Variants in GLRA2 observed in about 807,000 individuals in gnomAD.
GLRA2 encodes the protein glycine receptor subunit alpha-2.
In GLRA2, 11 loss-of-function variants were observed where a neutral mutation model predicts 31.6. That is an observed-to-expected ratio of 0.35 (90% confidence interval 0.22 to 0.58). The LOEUF (loss-of-function observed/expected upper bound fraction) is 0.58, where lower values mean the gene tolerates loss of function less well. Ranked by LOEUF, GLRA2 falls within the 20% of genes least tolerant of loss-of-function variation. The probability of loss-of-function intolerance (pLI) is 0.84; values close to 1 mark genes in which losing one functional copy is unlikely to be tolerated. For synonymous variants in GLRA2, 132 were observed against 134.0 expected (o/e 0.99, Z 0.10); for missense variants, 212 against 351.8 (o/e 0.60, Z 3.18).
intron 4 of GLRA2, among the ~76,000 whole-genome samples, chrX:14,595,411 G>A (rs766164439): frequency 1.8e-5 from 2 of 111,790 alleles, no homozygotes; most frequent in African/African-American, 6.5e-5. Flanking sequence ...CTTTGATTAG[G>A]TGGAAAGTCT....
intron 2 of GLRA2, among the ~76,000 whole-genome samples, chrX:14,546,621 A>G (rs1249867234): frequency 2.7e-5 from 3 of 109,585 alleles, no homozygotes; most frequent in African/African-American, 1.0e-4. Context: ...TTCTGCCTAC[A>G]GTTGAAACTG....
chrX:14,644,582 G>A (rs2090809944), intron 7 of GLRA2, among the ~76,000 whole-genome samples: 1 of 111,816 alleles, frequency 8.9e-6, no homozygotes, highest in Non-Finnish European at 1.9e-5. Flanking sequence ...AAAAAGCCCA[G>A]GGTGTCAAAT....
At chrX:14,589,706 A>ATATATACACATATATATATG (rs1556016808) in intron 4 of GLRA2, among the ~76,000 whole-genome samples, 16 of 100,754 alleles carry the variant, frequency 1.6e-4, no homozygotes, top group East Asian at 5.9e-4. Context: ...TAGTGTATAT[A>ATATATACACATATATATATG]TATACACACA....
chrX:14,453,051 A>G, the GLRA2 span, among the ~76,000 whole-genome samples: 8 of 111,718 alleles, frequency 7.2e-5, no homozygotes, highest in Admixed American at 6.7e-4. Flanking sequence ...CCAATAAGTC[A>G]TCGTAGCAGG....
At position 14,730,513 on chromosome X, in the gene GLRA2, T is replaced by C. The variant is rs2091979679; in HGVS notation, c.*28T>C. On this transcript the variant is annotated 3_prime_UTR_variant, in exon 9 of 9. Coordinates refer to ENST00000218075, the MANE Select transcript of GLRA2 (RefSeq NM_002063.4). ...GTGCCCTACAGACCCTGGGACCTTC[T>C]TGCCTCAGTGTTGTGCTTGTAAATA... The C allele has an allele frequency of 7.1e-6, 8 of 1,122,359 alleles. No individual in the cohort carries two copies. Among genetic ancestry groups the C allele is most frequent in the Non-Finnish European group, 9.7e-6 (8 of 822,565 alleles). The allele number at this position is 1,122,359 out of a possible 1,213,427, so 92.5% of individuals were successfully genotyped here.
At chrX:14,633,689 G>T (rs1005374739) in intron 7 of GLRA2, among the ~76,000 whole-genome samples, 3 of 111,160 alleles carry the variant, frequency 2.7e-5, no homozygotes, top group African/African-American at 9.8e-5. Flanking sequence ...GTTCTGCGTG[G>T]CTGGGGAGGC....
chrX:14,684,607 G>C (rs922293806), intron 7 of GLRA2, among the ~76,000 whole-genome samples: 20 of 111,274 alleles, frequency 1.8e-4, no homozygotes, highest in Non-Finnish European at 3.4e-4. Flanking sequence ...CTCATGATTT[G>C]GCTCTGTTTG....
chrX:14,486,276 G>A, the GLRA2 span, among the ~76,000 whole-genome samples: 2 of 111,500 alleles, frequency 1.8e-5, no homozygotes, highest in Non-Finnish European at 3.8e-5. Context: ...AAGACTTAAA[G>A]GCAAAATAAA....
intron 7 of GLRA2, among the ~76,000 whole-genome samples, chrX:14,678,097 A>G (rs1219848560): frequency 9.0e-6 from 1 of 111,704 alleles, no homozygotes; most frequent in Non-Finnish European, 1.9e-5. Context: ...TGAAAAGTCA[A>G]CCTCATTTAG....
chrX:14,594,940 G>GAAAA (rs533954335), intron 4 of GLRA2, among the ~76,000 whole-genome samples: 1 of 77,475 alleles, frequency 1.3e-5, no homozygotes. Flanking sequence ...AGGTCAACAG[G>GAAAA]AAAAAAAAAA....
intron 8 of GLRA2, among the ~76,000 whole-genome samples, chrX:14,710,802 T>TA (rs1169816204): frequency 8.9e-6 from 1 of 111,878 alleles, no homozygotes; most frequent in East Asian, 2.8e-4. Context: ...TTTACCCTCT[T>TA]AGACTTCTTA....
chrX:14,614,435 C>A (rs2090433412), intron 7 of GLRA2, among the ~76,000 whole-genome samples: 1 of 111,357 alleles, frequency 9.0e-6, no homozygotes, highest in Middle Eastern at 4.2e-3. Flanking sequence ...TCCCATACAA[C>A]TTCTTACTCC....
chrX:14,701,172 G>A (rs890507513), intron 8 of GLRA2, among the ~76,000 whole-genome samples: 6 of 110,919 alleles, frequency 5.4e-5, no homozygotes, highest in African/African-American at 2.0e-4. Flanking sequence ...TGAAATGTTT[G>A]TGAATTGCGA....
chrX:14,621,692 C>T (rs1255400841), intron 7 of GLRA2, among the ~76,000 whole-genome samples: 3 of 112,018 alleles, frequency 2.7e-5, no homozygotes, highest in African/African-American at 9.7e-5. Flanking sequence ...AGGAAATGAA[C>T]TCATCCTTTT....
At chrX:14,514,780 G>A in the GLRA2 span, among the ~76,000 whole-genome samples, 1 of 111,044 alleles carries the variant, frequency 9.0e-6, no homozygotes, top group East Asian at 2.8e-4. Flanking sequence ...CTCTCTACTT[G>A]TCTTCATCTT....
At chrX:14,710,626 G>A (rs1373852007) in intron 8 of GLRA2, among the ~76,000 whole-genome samples, 5 of 111,788 alleles carry the variant, frequency 4.5e-5, no homozygotes, top group Non-Finnish European at 9.4e-5. Context: ...AAAGATAATT[G>A]AAAGAGGAAA....
intron 7 of GLRA2, among the ~76,000 whole-genome samples, chrX:14,667,973 T>C (rs766094782): frequency 1.9e-4 from 21 of 112,335 alleles, no homozygotes; most frequent in Non-Finnish European, 2.4e-4. Context: ...ACAACTCAGC[T>C]GGAACCTCTC....
chrX:14,668,787 C>G (rs747577954), intron 7 of GLRA2, among the ~76,000 whole-genome samples: 1 of 111,839 alleles, frequency 8.9e-6, no homozygotes, highest in Non-Finnish European at 1.9e-5. Context: ...TCCCACAACA[C>G]GTGGAAATTC....
chrX:14,589,989 C>A (rs890194960), intron 4 of GLRA2, among the ~76,000 whole-genome samples: 1 of 110,310 alleles, frequency 9.1e-6, no homozygotes, highest in African/African-American at 3.3e-5. Flanking sequence ...TGTTATTAAA[C>A]TGACCAGTTA....
Sources: allele counts gnomAD v4.1 joint callset (sites outside exome capture counted in the v4.1 genomes callset), GRCh38; gene constraint gnomAD v4.1.1; transcripts MANE v1.5; gene names NCBI Gene and HGNC (gene_info 2026-07-23, HGNC 2026-07-21).